The following SEMA3A variants were observed in gnomAD, a reference collection of about 807,000 sequenced individuals.
The protein encoded by SEMA3A is semaphorin 3A.
In SEMA3A, 29 loss-of-function variants were observed where a neutral mutation model predicts 97.9. That is an observed-to-expected ratio of 0.30 (90% CI 0.22 to 0.40). The LOEUF (loss-of-function observed/expected upper bound fraction) is 0.40. Among genes scored for constraint, SEMA3A ranks in the 10% least tolerant of loss-of-function variants. The probability of loss-of-function intolerance (pLI) is 1.00; values close to 1 mark genes in which losing one functional copy is unlikely to be tolerated. For synonymous variants in SEMA3A, 321 were observed against 323.7 expected (o/e 0.99, Z 0.09); for missense variants, 763 against 951.3 (o/e 0.80, Z 2.60).
At chr7:84,147,599 G>C (rs180944513) in intron 1 of SEMA3A, among the ~76,000 whole-genome samples, 34 of 152,198 alleles carry the variant, frequency 2.2e-4, no homozygotes, top group African/African-American at 7.9e-4. Context: ...TGTGGCTGGC[G>C]GCAGAAATTA....
At chr7:84,429,153 G>C (rs1804902034) in intron 1 of SEMA3A, among the ~76,000 whole-genome samples, 1 of 151,954 alleles carries the variant, frequency 6.6e-6, no homozygotes, top group African/African-American at 2.4e-5. Flanking sequence ...GCATAATTTA[G>C]TTACTAATTG....
chr7:84,427,419 C>A (rs536160000), intron 1 of SEMA3A, among the ~76,000 whole-genome samples: 1 of 151,816 alleles, frequency 6.6e-6, no homozygotes, highest in East Asian at 1.9e-4. Flanking sequence ...GAGGCTGAGG[C>A]GGGTAGATCA....
At chr7:84,432,337 C>T (rs1805001364) in intron 1 of SEMA3A, among the ~76,000 whole-genome samples, 1 of 152,036 alleles carries the variant, frequency 6.6e-6, no homozygotes, top group Non-Finnish European at 1.5e-5. Context: ...CTTCACTAAT[C>T]TATTTTTCTC....
chr7:83,980,539 A>C (rs1388033973), intron 14 of SEMA3A, among the ~76,000 whole-genome samples: 3 of 143,892 alleles, frequency 2.1e-5, no homozygotes, highest in Non-Finnish European at 3.0e-5. Context: ...TGGGAGGCAG[A>C]GGTTGCAGTG....
intron 2 of SEMA3A, among the ~76,000 whole-genome samples, chr7:84,324,805 G>A (rs376848663): frequency 9.2e-5 from 14 of 152,020 alleles, no homozygotes; most frequent in Admixed American, 2.6e-4. Flanking sequence ...GGAAAAAAAA[G>A]ACCAGACTAC....
At chr7:84,183,397 T>TGACC (rs1681227741) in intron 1 of SEMA3A, among the ~76,000 whole-genome samples, 1 of 152,190 alleles carries the variant, frequency 6.6e-6, no homozygotes, top group Non-Finnish European at 1.5e-5. Context: ...AAGCAGAGTA[T>TGACC]GACCTATCAT....
chr7:84,058,956 G>A (rs1583891308), intron 5 of SEMA3A, among the ~76,000 whole-genome samples: 1 of 152,028 alleles, frequency 6.6e-6, no homozygotes, highest in Non-Finnish European at 1.5e-5. Context: ...TTTCTCAGCG[G>A]AATATTAAAA....
intron 2 of SEMA3A, among the ~76,000 whole-genome samples, chr7:84,341,283 C>T (rs750592899): frequency 6.6e-6 from 1 of 152,170 alleles, no homozygotes; most frequent in South Asian, 2.1e-4. Context: ...ACTTATTAAG[C>T]ATTTCTTATG....
intron 1 of SEMA3A, among the ~76,000 whole-genome samples, chr7:84,406,493 C>A (rs552853208): frequency 6.0e-4 from 92 of 152,256 alleles, no homozygotes; most frequent in Middle Eastern, 3.4e-3. Context: ...GGTAGCATTC[C>A]TTCTGAAACT....
intron 1 of SEMA3A, among the ~76,000 whole-genome samples, chr7:84,467,287 C>A (rs1052304925): frequency 3.3e-5 from 5 of 152,176 alleles, no homozygotes; most frequent in African/African-American, 1.2e-4. Context: ...CTTTGGAAGG[C>A]TGAGGCGAGT....
chr7:84,283,570 A>C lies in SEMA3A; in HGVS notation c.-83+23637T>G, dbSNP rs1800505021. Among the ~76,000 whole-genome samples, 4 of 146,526 alleles carry C rather than the reference A, an allele frequency of 2.7e-5. No homozygotes were observed. The South Asian group carries it at 8.5e-4, about 31-fold the overall frequency. On this transcript the variant is annotated intron_variant, in intron 3 of 3. Coordinates refer to the SEMA3A transcript ENST00000424555. ...AAGTTGGCAACTGATTGCATGTGGC[A>C]AAAAAAAAAGAGGATATTAACAAAA...
chr7:83,970,324 C>T (rs551020381), intron 15 of SEMA3A, among the ~76,000 whole-genome samples: 1 of 152,260 alleles, frequency 6.6e-6, no homozygotes, highest in South Asian at 2.1e-4. Flanking sequence ...TAAATTGCTT[C>T]CTTTTGTAAC....
chr7:84,250,543 C>A (rs1444424675), intron 3 of SEMA3A, among the ~76,000 whole-genome samples: 1 of 152,064 alleles, frequency 6.6e-6, no homozygotes, highest in Non-Finnish European at 1.5e-5. Flanking sequence ...CTGTGTGGGA[C>A]CATGTGAGGT....
intron 1 of SEMA3A, among the ~76,000 whole-genome samples, chr7:84,404,005 A>T (rs1803989072): frequency 1.3e-5 from 2 of 152,240 alleles, no homozygotes; most frequent in South Asian, 2.1e-4. Flanking sequence ...CTCCAACGGA[A>T]CACAGCTCCT....
intron 12 of SEMA3A, among the ~76,000 whole-genome samples, chr7:83,991,698 G>T (rs1789947351): frequency 6.6e-6 from 1 of 151,458 alleles, no homozygotes; most frequent in South Asian, 2.1e-4. Context: ...TAAGCTTTTT[G>T]ATGTGCTGCT....
intron 2 of SEMA3A, among the ~76,000 whole-genome samples, chr7:84,348,017 T>C (rs990500195): frequency 1.3e-5 from 2 of 152,104 alleles, no homozygotes; most frequent in Non-Finnish European, 2.9e-5. Flanking sequence ...AATGAGAGTG[T>C]TGATTAGTAG....
intron 1 of SEMA3A, among the ~76,000 whole-genome samples, chr7:84,189,497 G>T (rs931814304): frequency 2.0e-5 from 3 of 151,550 alleles, no homozygotes; most frequent in Non-Finnish European, 4.4e-5. Context: ...TTTGACTTTT[G>T]GAGCTATGAT....
chr7:84,266,489 T>C (rs908045257), intron 3 of SEMA3A, among the ~76,000 whole-genome samples: 3 of 151,970 alleles, frequency 2.0e-5, no homozygotes, highest in Admixed American at 6.6e-5. Context: ...ATCATTATTC[T>C]TGGGCAAATT....
At position 84,075,299 on chromosome 7, in the gene SEMA3A, G is replaced by T. The variant is rs535110515; in HGVS notation, c.454-14741C>A. ...AGTGATTCTCCTGCCTCAGCCTCCC[G>T]AGTAGCTGGGATTACAGGCACCTGC... On this transcript the variant is annotated intron_variant, in intron 4 of 16. Coordinates refer to ENST00000265362, the MANE Select transcript of SEMA3A (RefSeq NM_006080.3). 6.1e-3 allele frequency among the ~76,000 whole-genome samples: 895 copies of T among 147,184 alleles called. 4 individuals carry two copies. The highest frequency in any genetic ancestry group is 0.015 in the Admixed American group (216 of 14,688).
Sources: allele counts gnomAD v4.1 joint callset (sites outside exome capture counted in the v4.1 genomes callset), GRCh38; gene constraint gnomAD v4.1.1; transcripts MANE v1.5; gene names NCBI Gene and HGNC (gene_info 2026-07-23, HGNC 2026-07-21).